DAGLA: variants seen among roughly 807,000 people sequenced by gnomAD.
DAGLA encodes diacylglycerol lipase alpha.
In DAGLA, 22 loss-of-function variants were observed where a neutral mutation model predicts 102.6. The observed-to-expected ratio is 0.21, with a 90% CI of 0.15 to 0.31. DAGLA has a LOEUF of 0.31. Ranked by LOEUF, DAGLA falls within the 10% of genes least tolerant of loss-of-function variation. The pLI, the probability that DAGLA is intolerant of heterozygous loss-of-function variation, is 1.00. For synonymous variants in DAGLA, 578 were observed against 628.9 expected (o/e 0.92, Z 1.21); for missense variants, 927 against 1,446.6 (o/e 0.64, Z 5.83).
chr11:61,742,883 A>G (rs900874405), intron 19 of DAGLA, among the ~76,000 whole-genome samples: 2 of 150,136 alleles, frequency 1.3e-5, no homozygotes, highest in Non-Finnish European at 3.0e-5. Flanking sequence ...GATCTGGGGC[A>G]GCCAGTCTAT....
intron 1 of DAGLA, among the ~76,000 whole-genome samples, chr11:61,708,618 C>T (rs1175275926): frequency 2.7e-5 from 4 of 150,378 alleles, no homozygotes; most frequent in Admixed American, 6.6e-5. Flanking sequence ...CTCCTGACGT[C>T]GTGATCCACC....
intron 1 of DAGLA, among the ~76,000 whole-genome samples, chr11:61,705,546 C>G (rs1010199084): frequency 1.3e-5 from 2 of 152,256 alleles, no homozygotes; most frequent in African/African-American, 4.8e-5. Context: ...CCTTCAGAAA[C>G]AGCTCCAGCT....
At chr11:61,694,504 G>C (rs1335002380) in intron 1 of DAGLA, among the ~76,000 whole-genome samples, 1 of 152,204 alleles carries the variant, frequency 6.6e-6, no homozygotes, top group Non-Finnish European at 1.5e-5. Flanking sequence ...GGGTGTGCTT[G>C]GACCTGACAT....
intron 1 of DAGLA, among the ~76,000 whole-genome samples, chr11:61,703,700 T>TGGATGGAG (rs2065127687): frequency 6.6e-6 from 1 of 151,540 alleles, no homozygotes; most frequent in African/African-American, 2.4e-5. Flanking sequence ...GATGGATGGA[T>TGGATGGAG]GGATGGATGG....
intron 1 of DAGLA, among the ~76,000 whole-genome samples, chr11:61,681,657 A>G (rs2135542830): frequency 6.6e-6 from 1 of 152,114 alleles, no homozygotes; most frequent in South Asian, 2.1e-4. Context: ...CGATTGGGGT[A>G]TGCTTGAAAG....
intron 1 of DAGLA, among the ~76,000 whole-genome samples, chr11:61,690,799 G>A (rs903214206): frequency 6.6e-6 from 1 of 152,170 alleles, no homozygotes; most frequent in African/African-American, 2.4e-5. Flanking sequence ...GCCCACAAAA[G>A]GAAGGCCCCC....
At chr11:61,730,248 T>G (rs1333966601) in intron 8 of DAGLA, among the ~76,000 whole-genome samples, 1 of 151,714 alleles carries the variant, frequency 6.6e-6, no homozygotes, top group Non-Finnish European at 1.5e-5. Flanking sequence ...ACCTTCTCCC[T>G]CCCACTCCTC....
At chr11:61,722,024 C>T (rs1317957992) in intron 3 of DAGLA, among the ~76,000 whole-genome samples, 2 of 152,274 alleles carry the variant, frequency 1.3e-5, no homozygotes, top group Non-Finnish European at 2.9e-5. Context: ...TACCCCTCCC[C>T]TCCAGTCTCA....
chr11:61,681,199 G>A (rs889212943), intron 1 of DAGLA, among the ~76,000 whole-genome samples: 2 of 152,282 alleles, frequency 1.3e-5, no homozygotes, highest in East Asian at 1.9e-4. Context: ...TGGGGGTCCA[G>A]TTTTAATGCC....
chr11:61,705,254 A>G (rs2065139975), intron 1 of DAGLA, among the ~76,000 whole-genome samples: 1 of 152,120 alleles, frequency 6.6e-6, no homozygotes, highest in South Asian at 2.1e-4. Context: ...AAACATCCTT[A>G]ATACCTGCCC....
At chr11:61,698,652 G>A (rs1294220063) in intron 1 of DAGLA, among the ~76,000 whole-genome samples, 5 of 152,188 alleles carry the variant, frequency 3.3e-5, no homozygotes, top group African/African-American at 4.8e-5. Context: ...CAAATGTGCC[G>A]GCAGCATGAT....
intron 14 of DAGLA, 71 bp from the exon 15 acceptor site, chr11:61,737,615 TG>T: frequency 7.0e-7 from 1 of 1,427,204 alleles, no homozygotes; most frequent in Non-Finnish European, 9.9e-7. Flanking sequence ...TGCTTGTGGC[TG>T]GGCCCCCCGA....
intron 5 of DAGLA, 119 bp downstream of exon 5, chr11:61,723,691 G>A (rs923085293): frequency 7.5e-7 from 1 of 1,341,996 alleles, no homozygotes; most frequent in Non-Finnish European, 1.0e-6. Flanking sequence ...CCTCGTGTGA[G>A]CCGTGGGCAT....
intron 1 of DAGLA, among the ~76,000 whole-genome samples, chr11:61,704,529 C>A (rs1219530774): frequency 6.6e-6 from 1 of 152,166 alleles, no homozygotes; most frequent in Non-Finnish European, 1.5e-5. Context: ...GTTTCTGTGA[C>A]CTGCCTTGGG....
chr11:61,702,140 A>G (rs1041835297), intron 1 of DAGLA, among the ~76,000 whole-genome samples: 2 of 152,108 alleles, frequency 1.3e-5, no homozygotes, highest in Non-Finnish European at 2.9e-5. Flanking sequence ...GGCCTCAGTG[A>G]TCCTCCAGCC....
chr11:61,736,032 G>A (rs1354953828), intron 12 of DAGLA, among the ~76,000 whole-genome samples: 1 of 152,182 alleles, frequency 6.6e-6, no homozygotes, highest in Non-Finnish European at 1.5e-5. Flanking sequence ...GAACCTGAGA[G>A]GCAGCTGCGG....
intron 1 of DAGLA, among the ~76,000 whole-genome samples, chr11:61,701,995 C>T (rs1310652608): frequency 1.3e-5 from 2 of 151,998 alleles, no homozygotes; most frequent in Non-Finnish European, 2.9e-5. Flanking sequence ...AAACTATTCT[C>T]AAACTCCTGG....
chr11:61,688,680 A>G (rs1411945369), intron 1 of DAGLA, among the ~76,000 whole-genome samples: 1 of 152,136 alleles, frequency 6.6e-6, no homozygotes, highest in African/African-American at 2.4e-5. Context: ...TTCCTCTCCC[A>G]TCTCCCACAT....
At chr11:61,696,262 A>G (rs1026610967) in intron 1 of DAGLA, among the ~76,000 whole-genome samples, 1 of 152,170 alleles carries the variant, frequency 6.6e-6, no homozygotes, top group African/African-American at 2.4e-5. Context: ...CAGCCTAGGC[A>G]TGAGTTCTCT....
Sources: allele counts gnomAD v4.1 joint callset (sites outside exome capture counted in the v4.1 genomes callset), GRCh38; gene constraint gnomAD v4.1.1; transcripts MANE v1.5; gene names NCBI Gene and HGNC (gene_info 2026-07-23, HGNC 2026-07-21).